The following CADPS2 variants were observed in gnomAD, a reference collection of about 807,000 sequenced individuals.
CADPS2 encodes the protein calcium dependent secretion activator 2, also known as calcium-dependent secretion activator 2.
CADPS2 carries 93 observed loss-of-function variants against 172.5 expected under a neutral mutation model. That is an observed-to-expected ratio of 0.54 (90% confidence interval 0.46 to 0.64). The LOEUF (loss-of-function observed/expected upper bound fraction) is 0.64. Ranked by LOEUF, CADPS2 falls within the 30% of genes least tolerant of loss-of-function variation. CADPS2 has a pLI of 0.00. For missense variants in CADPS2, 1,420 were observed against 1,565.9 expected (o/e 0.91, Z 1.57); for synonymous variants, 546 against 555.2 (o/e 0.98, Z 0.23).
chr7:122,754,321 C>A (rs1244123727), intron 1 of CADPS2, among the ~76,000 whole-genome samples: 1 of 151,876 alleles, frequency 6.6e-6, no homozygotes, highest in Non-Finnish European at 1.5e-5. Context: ...TATTTGTTAA[C>A]CAAAGTGTGA....
At chr7:122,472,322 T>C (rs1445349364) in intron 13 of CADPS2, among the ~76,000 whole-genome samples, 1 of 150,402 alleles carries the variant, frequency 6.6e-6, no homozygotes, top group African/African-American at 2.5e-5. Context: ...TAAAGAATAA[T>C]GAGAAAAAGG....
chr7:122,505,182 C>A (rs1275873358), intron 9 of CADPS2, among the ~76,000 whole-genome samples: 1 of 152,050 alleles, frequency 6.6e-6, no homozygotes, highest in African/African-American at 2.4e-5. Flanking sequence ...ACCCAAAATG[C>A]CAAAAATTTA....
chr7:122,684,654 C>CA (rs35862887), intron 2 of CADPS2, among the ~76,000 whole-genome samples: 3 of 151,910 alleles, frequency 2.0e-5, no homozygotes, highest in African/African-American at 7.3e-5. Context: ...TAAAATACCT[C>CA]AAAAAAACCT....
At chr7:122,840,469 A>C (rs1430732115) in intron 1 of CADPS2, among the ~76,000 whole-genome samples, 3 of 152,076 alleles carry the variant, frequency 2.0e-5, no homozygotes, top group Non-Finnish European at 4.4e-5. Flanking sequence ...TGAAATCAGA[A>C]TGTAGACTCA....
intron 19 of CADPS2, among the ~76,000 whole-genome samples, chr7:122,410,738 C>T (rs928240147): frequency 3.3e-5 from 5 of 152,090 alleles, no homozygotes; most frequent in Admixed American, 2.6e-4. Flanking sequence ...TGTTGACTAC[C>T]GCAATCAGTA....
At chr7:122,738,177 A>C (rs1053421523) in intron 1 of CADPS2, among the ~76,000 whole-genome samples, 3 of 152,126 alleles carry the variant, frequency 2.0e-5, no homozygotes, top group African/African-American at 7.2e-5. Flanking sequence ...CATGTCCTCT[A>C]GTCATCAACT....
intron 7 of CADPS2, among the ~76,000 whole-genome samples, chr7:122,564,860 C>CACACAA (rs1370847054): frequency 6.6e-6 from 1 of 151,376 alleles, no homozygotes; most frequent in African/African-American, 2.4e-5. Context: ...CACACACACA[C>CACACAA]ACACACACAC....
intron 3 of CADPS2, among the ~76,000 whole-genome samples, chr7:122,641,010 T>C (rs1441914833): frequency 6.6e-6 from 1 of 151,838 alleles, no homozygotes; most frequent in Non-Finnish European, 1.5e-5. Flanking sequence ...AAAATAAGAA[T>C]ATGTGAACTC....
intron 8 of CADPS2, among the ~76,000 whole-genome samples, chr7:122,535,026 T>C (rs1438186975): frequency 6.6e-6 from 1 of 152,104 alleles, no homozygotes; most frequent in East Asian, 1.9e-4. Flanking sequence ...TTGAAATCCC[T>C]TTTGCAGGAC....
At chr7:122,578,627 G>C (rs935651028) in intron 7 of CADPS2, among the ~76,000 whole-genome samples, 10 of 152,104 alleles carry the variant, frequency 6.6e-5, no homozygotes, top group African/African-American at 2.4e-4. Flanking sequence ...AACACCTGTC[G>C]GGCCTGCTAC....
intron 25 of CADPS2, among the ~76,000 whole-genome samples, chr7:122,363,731 C>T (rs1393687366): frequency 6.6e-6 from 1 of 151,966 alleles, no homozygotes; most frequent in East Asian, 1.9e-4. Flanking sequence ...TGAAAATGGC[C>T]AAACACTAAA....
At chr7:122,730,871 C>A (rs960645080) in intron 2 of CADPS2, among the ~76,000 whole-genome samples, 3 of 151,492 alleles carry the variant, frequency 2.0e-5, no homozygotes, top group East Asian at 3.9e-4. Context: ...AATAATATCA[C>A]AGTAGAAAAT....
intron 2 of CADPS2, among the ~76,000 whole-genome samples, chr7:122,732,068 A>G (rs2137553013): frequency 6.6e-6 from 1 of 151,844 alleles, no homozygotes; most frequent in Non-Finnish European, 1.5e-5. Context: ...AACAGTATTC[A>G]TAGTAAATAT....
intron 28 of CADPS2, among the ~76,000 whole-genome samples, chr7:122,336,185 C>A (rs2035825321): frequency 1.3e-5 from 2 of 152,152 alleles, no homozygotes; most frequent in Admixed American, 6.5e-5. Context: ...GTTCCTTACA[C>A]AGATTTTTTT....
chr7:122,474,706 C>CA (rs1235056213), intron 12 of CADPS2, among the ~76,000 whole-genome samples, 189 bp from the exon 13 acceptor site: 2 of 151,914 alleles, frequency 1.3e-5, no homozygotes, highest in Admixed American at 6.6e-5. Flanking sequence ...AAAACAACAG[C>CA]AAAAAATCTA....
intron 27 of CADPS2, among the ~76,000 whole-genome samples, 151 bp from the exon 28 acceptor site, chr7:122,345,832 C>T (rs1343312133): frequency 2.6e-5 from 4 of 151,070 alleles, no homozygotes; most frequent in Non-Finnish European, 5.9e-5. Flanking sequence ...TCAATACATT[C>T]CATAATTAAA....
intron 6 of CADPS2, among the ~76,000 whole-genome samples, chr7:122,586,276 G>A (rs2133046654): frequency 6.6e-6 from 1 of 152,036 alleles, no homozygotes; most frequent in Non-Finnish European, 1.5e-5. Flanking sequence ...TCTAATAGGA[G>A]ATTTTAGATA....
intron 1 of CADPS2, among the ~76,000 whole-genome samples, chr7:122,840,108 G>A (rs949630103): frequency 3.9e-5 from 6 of 152,138 alleles, no homozygotes; most frequent in Non-Finnish European, 8.8e-5. Flanking sequence ...CCAAAAAAAG[G>A]ATGAGTTCAT....
intron 25 of CADPS2, among the ~76,000 whole-genome samples, chr7:122,369,146 T>C (rs1431928313): frequency 1.2e-5 from 1 of 85,160 alleles, no homozygotes; most frequent in Admixed American, 1.3e-4. Context: ...CCCCCCCTTT[T>C]TTTTTTTTTG....
Sources: allele counts gnomAD v4.1 joint callset (sites outside exome capture counted in the v4.1 genomes callset), GRCh38; gene constraint gnomAD v4.1.1; transcripts MANE v1.5; gene names NCBI Gene and HGNC (gene_info 2026-07-23, HGNC 2026-07-21).